SMYD3: variants seen among roughly 807,000 people sequenced by gnomAD.
SMYD3 encodes the protein histone-lysine N-methyltransferase SMYD3.
In SMYD3, 36 loss-of-function variants were observed where a neutral mutation model predicts 57.7. The ratio of observed to expected loss-of-function variants is 0.62; its 90% CI spans 0.48 to 0.82. The LOEUF is 0.82. Ranked by LOEUF, SMYD3 falls within the 40% of genes least tolerant of loss-of-function variation. The probability of loss-of-function intolerance (pLI) is 0.00; values close to 1 mark genes in which losing one functional copy is unlikely to be tolerated. For missense variants in SMYD3, 515 were observed against 538.8 expected (o/e 0.96, Z 0.44); for synonymous variants, 211 against 195.0 (o/e 1.08, Z -0.68).
Position 246,329,152 on chromosome 1 carries a change from C to T in SMYD3, c.394+1328G>A, listed in dbSNP as rs933838181. Reference sequence around the variant, plus strand: ...TGTGAATAGTGCCACAATAAACATACGTGTGCATGTGTCTCTATAGCAGCA... The same window carrying T: ...TGTGAATAGTGCCACAATAAACATATGTGTGCATGTGTCTCTATAGCAGCA... On this transcript the variant is annotated intron_variant, in intron 4 of 11. Coordinates refer to ENST00000490107, the MANE Select transcript of SMYD3 (RefSeq NM_001167740.2). Among the ~76,000 whole-genome samples the T allele has an allele frequency of 2.0e-3, 299 of 152,252 alleles. 3 individuals are homozygous for T. In the East Asian group the frequency reaches 0.021, roughly 11 times the overall value.
chr1:246,333,920 G>A (rs960253396), intron 3 of SMYD3, among the ~76,000 whole-genome samples: 3 of 151,946 alleles, frequency 2.0e-5, no homozygotes, highest in Non-Finnish European at 4.4e-5. Flanking sequence ...CAAAGGACAA[G>A]AACAGACACT....
chr1:246,014,386 G>GAT (rs2059340537), intron 5 of SMYD3, among the ~76,000 whole-genome samples: 1 of 152,170 alleles, frequency 6.6e-6, no homozygotes, highest in South Asian at 2.1e-4. Flanking sequence ...CGGCCTATAT[G>GAT]ATTTCCTGGT....
intron 5 of SMYD3, among the ~76,000 whole-genome samples, chr1:246,116,201 G>GAC (rs56722969): frequency 0.035 from 5,105 of 145,900 alleles, 95 homozygotes; most frequent in Middle Eastern, 0.047. Context: ...CCCTGAGATG[G>GAC]ACACACACAC....
At chr1:246,074,028 T>C (rs2060502502) in intron 5 of SMYD3, among the ~76,000 whole-genome samples, 1 of 152,204 alleles carries the variant, frequency 6.6e-6, no homozygotes, top group South Asian at 2.1e-4. Context: ...AAACGCAAAC[T>C]TGCAAACTTT....
intron 5 of SMYD3, among the ~76,000 whole-genome samples, chr1:246,080,900 C>T (rs539319544): frequency 3.5e-4 from 53 of 152,108 alleles, no homozygotes; most frequent in Non-Finnish European, 7.2e-4. Context: ...TAAGAATGGA[C>T]GAAAGAATCA....
intron 1 of SMYD3, among the ~76,000 whole-genome samples, chr1:246,397,311 A>G (rs1232059323): frequency 6.6e-6 from 1 of 152,196 alleles, no homozygotes; most frequent in Non-Finnish European, 1.5e-5. Flanking sequence ...ATCATCCCAA[A>G]GCCATCCCCT....
At chr1:245,764,484 T>C (rs562555555) in intron 10 of SMYD3, among the ~76,000 whole-genome samples, 6 of 152,224 alleles carry the variant, frequency 3.9e-5, no homozygotes, top group South Asian at 4.2e-4. Flanking sequence ...AATCTCCTCC[T>C]CCAAGCTCTT....
chr1:246,136,747 T>C (rs2061671586), intron 5 of SMYD3, among the ~76,000 whole-genome samples: 1 of 152,066 alleles, frequency 6.6e-6, no homozygotes, highest in South Asian at 2.1e-4. Context: ...AGTGAATGAG[T>C]GGGCATATAA....
chr1:245,800,428 T>A lies in SMYD3; in HGVS notation c.1077-36279A>T, dbSNP rs116522546. 3.4e-5 allele frequency among the ~76,000 whole-genome samples: 5 copies of A among 149,032 alleles called. No individual in the cohort carries two copies. In the South Asian group the frequency reaches 6.5e-4, roughly 19 times the overall value. On this transcript the variant is annotated intron_variant, in intron 10 of 11. Transcript: ENST00000490107. ...TAGTGATAGGGTTATATATGCTGGG[T>A]TTTTTTTTTAAATAATGCTATATCT...
intron 5 of SMYD3, among the ~76,000 whole-genome samples, chr1:246,133,456 C>A (rs987723292): frequency 6.6e-6 from 1 of 151,994 alleles, no homozygotes; most frequent in Admixed American, 6.6e-5. Context: ...TTCTAAAGAC[C>A]TGAGTGTTGT....
intron 5 of SMYD3, among the ~76,000 whole-genome samples, chr1:246,189,943 C>T (rs1215990194): frequency 1.3e-5 from 2 of 152,072 alleles, no homozygotes; most frequent in African/African-American, 2.4e-5. Flanking sequence ...GAACTGGCAC[C>T]GTAACAAACA....
At chr1:246,402,139 C>T (rs7520100) in intron 1 of SMYD3, among the ~76,000 whole-genome samples, 151,152 of 152,240 alleles carry the variant, frequency 0.99, 75,047 homozygotes, top group East Asian at 1. Context: ...TGGCAAAAGA[C>T]AGAGTTGTGA....
intron 5 of SMYD3, among the ~76,000 whole-genome samples, chr1:246,249,353 C>T (rs72776317): frequency 0.21 from 31,274 of 151,694 alleles, 3,868 homozygotes; most frequent in East Asian, 0.57. Flanking sequence ...ATCCGCCCAC[C>T]TCAGCCTCCC....
At chr1:246,399,563 C>T (rs1377882019) in intron 1 of SMYD3, among the ~76,000 whole-genome samples, 2 of 152,078 alleles carry the variant, frequency 1.3e-5, no homozygotes, top group African/African-American at 4.8e-5. Flanking sequence ...AAGCCGGTCT[C>T]GAACTCCTGG....
At chr1:246,085,504 G>A (rs1433472447) in intron 5 of SMYD3, among the ~76,000 whole-genome samples, 1 of 152,044 alleles carries the variant, frequency 6.6e-6, no homozygotes, top group African/African-American at 2.4e-5. Context: ...AATGTGTGAG[G>A]TGCCCTCCCT....
intron 11 of SMYD3, among the ~76,000 whole-genome samples, chr1:245,750,637 GAAC>G (rs1263566698): frequency 1.5e-5 from 2 of 130,776 alleles, no homozygotes; most frequent in African/African-American, 5.7e-5. Flanking sequence ...GATGGTTATG[GAAC>G]AACAAACAAC....
intron 1 of SMYD3, among the ~76,000 whole-genome samples, chr1:246,489,445 T>C (rs2068235997): frequency 6.6e-6 from 1 of 152,062 alleles, no homozygotes; most frequent in Non-Finnish European, 1.5e-5. Flanking sequence ...CTCATGAAGA[T>C]CACGAGGTAG....
chr1:246,283,896 C>T (rs1311357811), intron 5 of SMYD3, among the ~76,000 whole-genome samples: 1 of 152,148 alleles, frequency 6.6e-6, no homozygotes, highest in African/African-American at 2.4e-5. Context: ...ACACCATTCA[C>T]CCTAATAACT....
At chr1:246,326,270 C>A in intron 5 of SMYD3, 2 of 546,198 alleles carry the variant, frequency 3.7e-6, no homozygotes, top group Admixed American at 3.7e-5. Context: ...TTGTGATCAA[C>A]ATTAAAACAA....
Sources: gnomAD v4.1 joint callset for allele counts (sites outside exome capture counted in the v4.1 genomes callset) on GRCh38, gnomAD v4.1.1 for gene constraint, MANE v1.5 for transcripts, NCBI Gene and HGNC (gene_info 2026-07-23, HGNC 2026-07-21) for gene names.